The following ETV5 variants were observed in gnomAD, a reference collection of about 807,000 sequenced individuals.
ETV5 encodes ETS translocation variant 5.
A neutral mutation model predicts 70.0 loss-of-function variants in ETV5; 10 were observed. The observed-to-expected ratio is 0.14, with a 90% CI of 0.09 to 0.24. The LOEUF is 0.24. Ranked by LOEUF, ETV5 falls within the 10% of genes least tolerant of loss-of-function variation. ETV5 has a pLI of 1.00. For synonymous variants in ETV5, 216 were observed against 242.2 expected, an observed-to-expected ratio of 0.89 and a Z score of 1.01; for missense variants, 453 against 651.2, an observed-to-expected ratio of 0.70 and a Z score of 3.31.
intron 5 of ETV5, among the ~76,000 whole-genome samples, chr3:186,086,377 T>C (rs1300441214): frequency 6.6e-6 from 1 of 152,014 alleles, no homozygotes; most frequent in African/African-American, 2.4e-5. Flanking sequence ...GGGATCAAAA[T>C]CCAAGCCTGG....
At chr3:186,087,919 A>AT (rs1295157896) in intron 5 of ETV5, among the ~76,000 whole-genome samples, 1 of 152,032 alleles carries the variant, frequency 6.6e-6, no homozygotes, top group Non-Finnish European at 1.5e-5. Flanking sequence ...CAAAGTTTCA[A>AT]TTTGCCACAG....
chr3:186,049,852 G>C (rs1486482933), intron 12 of ETV5, among the ~76,000 whole-genome samples: 1 of 152,140 alleles, frequency 6.6e-6, no homozygotes, highest in Non-Finnish European at 1.5e-5. Flanking sequence ...AGTGAGGCAG[G>C]AGAGCACAGT....
Position 186,057,834 on chromosome 3 carries a change from T to G in ETV5, c.971-343A>C, listed in dbSNP as rs187090653. Among the ~76,000 whole-genome samples the G allele has an allele frequency of 1.3e-5, 2 of 152,334 alleles. No individual in the cohort carries two copies. The highest frequency in any genetic ancestry group is 1.3e-4 in the Admixed American group (2 of 15,306). On this transcript the variant is annotated intron_variant, in intron 9 of 12. Transcript: ENST00000306376. This position sits in a 1 kb window ranked among gnomAD's most constrained non-coding sequence, Gnocchi z 4.9. Reference sequence around the variant, plus strand: ...CTTTACAGCTGGAAACACATCTCTATTTCAGTTGGCCTAGCTGGATGGATT... The same window carrying G: ...CTTTACAGCTGGAAACACATCTCTAGTTCAGTTGGCCTAGCTGGATGGATT...
chr3:186,050,366 A>G (rs1169209977), intron 12 of ETV5, among the ~76,000 whole-genome samples: 1 of 152,132 alleles, frequency 6.6e-6, no homozygotes, highest in Non-Finnish European at 1.5e-5. Flanking sequence ...AGGACAGCTC[A>G]TTTCCATTGG....
chr3:186,060,575 A>G (rs1038753651), intron 9 of ETV5, among the ~76,000 whole-genome samples: 4 of 152,232 alleles, frequency 2.6e-5, no homozygotes, highest in African/African-American at 9.6e-5. Context: ...TAGCAATCAC[A>G]GATGCCAATC....
At chr3:186,096,648 G>T (rs1714310121) in intron 5 of ETV5, among the ~76,000 whole-genome samples, 1 of 152,158 alleles carries the variant, frequency 6.6e-6, no homozygotes, top group Non-Finnish European at 1.5e-5. Flanking sequence ...AATCCTTGAG[G>T]CAAAACACAA....
At chr3:186,056,036 G>C (rs1713154719) in intron 11 of ETV5, among the ~76,000 whole-genome samples, 2 of 152,114 alleles carry the variant, frequency 1.3e-5, no homozygotes, top group South Asian at 4.1e-4. Context: ...AAATCAAACA[G>C]AAATTAAAAA....
intron 5 of ETV5, among the ~76,000 whole-genome samples, chr3:186,095,801 A>G (rs1714289309): frequency 6.6e-6 from 1 of 152,256 alleles, no homozygotes; most frequent in African/African-American, 2.4e-5. Context: ...CCAAGGACTC[A>G]GAACTCTGGG....
At chr3:186,070,914 C>T (rs1713615995) in intron 7 of ETV5, among the ~76,000 whole-genome samples, 1 of 152,190 alleles carries the variant, frequency 6.6e-6, no homozygotes, top group African/African-American at 2.4e-5. Flanking sequence ...CACCATTAGC[C>T]CAACAGAGTG....
At chr3:186,050,534 T>C (rs1210078337) in intron 12 of ETV5, among the ~76,000 whole-genome samples, 5 of 152,136 alleles carry the variant, frequency 3.3e-5, no homozygotes, top group Non-Finnish European at 7.4e-5. Flanking sequence ...CTGATGGGTA[T>C]GGCGTTTCTT....
chr3:186,050,491 C>G (rs920643402), intron 12 of ETV5, among the ~76,000 whole-genome samples: 41 of 152,244 alleles, frequency 2.7e-4, no homozygotes, highest in African/African-American at 9.4e-4. Context: ...GATATCAACT[C>G]TAAGGAGGAT....
chr3:186,070,758 T>C (rs183270392), intron 7 of ETV5, among the ~76,000 whole-genome samples: 87 of 152,346 alleles, frequency 5.7e-4, no homozygotes, highest in Admixed American at 1.2e-3. Flanking sequence ...TTTTGAAGTA[T>C]CTAAGAATGT....
At chr3:186,098,658 A>G (rs771217913) in intron 5 of ETV5, among the ~76,000 whole-genome samples, 3 of 152,198 alleles carry the variant, frequency 2.0e-5, no homozygotes, top group Non-Finnish European at 4.4e-5. Context: ...TTTGCTTCTT[A>G]GATATTTTTT....
intron 5 of ETV5, among the ~76,000 whole-genome samples, chr3:186,085,883 C>G (rs894557600): frequency 6.6e-6 from 1 of 152,174 alleles, no homozygotes; most frequent in Non-Finnish European, 1.5e-5. Flanking sequence ...CTTCTATAGT[C>G]GAGCTGATCA....
At chr3:186,070,311 C>T (rs994559011) in intron 7 of ETV5, among the ~76,000 whole-genome samples, 3 of 152,272 alleles carry the variant, frequency 2.0e-5, no homozygotes, top group Non-Finnish European at 1.5e-5. Flanking sequence ...AGAGCCTCTG[C>T]AGCTGGCAGG....
rs1007514028 is a variant in ETV5 at position 186,049,131 on chromosome 3, C to T, written c.1312-271G>A. 2.0e-5 allele frequency among the ~76,000 whole-genome samples: 3 copies of T among 152,292 alleles called. No individual in the cohort carries two copies. The East Asian group carries it at 5.8e-4, about 29-fold the overall frequency. ...ATCTTCACTTTCTGTCTTCCAGTGACAGCTTTGAAAGCATGGTTATGCTGA... is the reference window on the plus strand; with the variant it reads ...ATCTTCACTTTCTGTCTTCCAGTGATAGCTTTGAAAGCATGGTTATGCTGA... On this transcript the variant is annotated intron_variant, in intron 12 of 12. Transcript: ENST00000306376.
At position 186,081,122 on chromosome 3, in the gene ETV5, A is replaced by G; in HGVS notation, c.286T>C (p.Ser96Pro). ...TGGCTACAAGACGACAGCTCAGAGG[A>G]GGGGCTGTGCAGCTCCCGTTTGATC... ...TKIKRELHSP[S>P]SELSSCSHEQ... The change falls in exon 6 of 13, where the codon TCC becomes CCC. Residue 96 changes from serine to proline, a missense_variant. By Grantham distance (74) the Ser-to-Pro change is moderately conservative. Coordinates refer to ENST00000306376, the MANE Select transcript of ETV5 (RefSeq NM_004454.3). The G allele has an allele frequency of 6.2e-7, 1 of 1,613,810 alleles. No homozygotes were observed. Among genetic ancestry groups the G allele is most frequent in the Non-Finnish European group, 8.5e-7 (1 of 1,179,826 alleles).
chr3:186,064,536 C>T (rs945472645), intron 8 of ETV5, 60 bp from the exon 9 acceptor site: 40 of 1,495,152 alleles, frequency 2.7e-5, no homozygotes, highest in Non-Finnish European at 3.7e-5. Flanking sequence ...AGAAACAGCA[C>T]ATCGGTCAAC....
chr3:186,059,025 A>T (rs1713239662), intron 9 of ETV5, among the ~76,000 whole-genome samples: 1 of 150,906 alleles, frequency 6.6e-6, no homozygotes, highest in South Asian at 2.1e-4. Context: ...AAAAAAAAAA[A>T]TAAAATAAAA....
Sources: allele counts gnomAD v4.1 joint callset (sites outside exome capture counted in the v4.1 genomes callset), GRCh38; gene constraint gnomAD v4.1.1; non-coding constraint Gnocchi (gnomAD v3.1); transcripts MANE v1.5; gene names NCBI Gene and HGNC (gene_info 2026-07-23, HGNC 2026-07-21).